The following TNRC6B variants were observed in gnomAD, a reference collection of about 807,000 sequenced individuals.
TNRC6B encodes trinucleotide repeat containing adaptor 6B, also known as trinucleotide repeat-containing gene 6B protein.
In TNRC6B, 52 loss-of-function variants were observed where a neutral mutation model predicts 203.6. That is an observed-to-expected ratio of 0.26 (90% CI 0.20 to 0.32). The LOEUF is 0.32. Ranked by LOEUF, TNRC6B falls within the 10% of genes least tolerant of loss-of-function variation. TNRC6B has a pLI of 1.00. For synonymous variants in TNRC6B, 838 were observed against 845.7 expected, an observed-to-expected ratio of 0.99 and a Z score of 0.16; for missense variants, 1,923 against 2,286.2, an observed-to-expected ratio of 0.84 and a Z score of 3.24.
chr22:40,249,679 A>G (rs2070158533), intron 2 of TNRC6B, among the ~76,000 whole-genome samples: 1 of 152,228 alleles, frequency 6.6e-6, no homozygotes, highest in Admixed American at 6.5e-5. Context: ...GATCTTCAAA[A>G]TGGCATTCTA....
chr22:40,255,608 CAT>C (rs2070263528), intron 3 of TNRC6B, among the ~76,000 whole-genome samples: 3 of 152,220 alleles, frequency 2.0e-5, no homozygotes, highest in Non-Finnish European at 2.9e-5. Context: ...TATTACAAGA[CAT>C]GTGGCTCCAA....
chr22:40,127,673 A>G (rs2068505200), intron 3 of TNRC6B, among the ~76,000 whole-genome samples: 1 of 152,180 alleles, frequency 6.6e-6, no homozygotes, highest in Non-Finnish European at 1.5e-5. Context: ...AGACTTCGAG[A>G]CCAGCCTAGG....
At chr22:40,220,875 G>T (rs961965637) in intron 1 of TNRC6B, among the ~76,000 whole-genome samples, 1 of 152,146 alleles carries the variant, frequency 6.6e-6, no homozygotes. Context: ...GTCTAATTTG[G>T]TAAGGGCCCA....
intron 15 of TNRC6B, among the ~76,000 whole-genome samples, chr22:40,305,994 A>G (rs1483460729): frequency 1.3e-5 from 2 of 152,156 alleles, no homozygotes; most frequent in Non-Finnish European, 2.9e-5. Flanking sequence ...GCTGAAATTA[A>G]AGAAATTTAA....
At chr22:40,123,233 G>A (rs897515459) in intron 2 of TNRC6B, among the ~76,000 whole-genome samples, 1 of 152,110 alleles carries the variant, frequency 6.6e-6, no homozygotes, top group African/African-American at 2.4e-5. Context: ...GTGATAGCAT[G>A]GGGGAGGAGA....
At chr22:40,211,504 A>T (rs775991951) in intron 1 of TNRC6B, among the ~76,000 whole-genome samples, 15 of 152,068 alleles carry the variant, frequency 9.9e-5, no homozygotes, top group Non-Finnish European at 2.1e-4. Context: ...TGCTTTACGT[A>T]TATCATTTGT....
At chr22:40,292,893 T>G (rs2070887243) in intron 12 of TNRC6B, among the ~76,000 whole-genome samples, 1 of 152,242 alleles carries the variant, frequency 6.6e-6, no homozygotes, top group African/African-American at 2.4e-5. Flanking sequence ...TTCCTATGCT[T>G]TTCTTTATAT....
intron 1 of TNRC6B, among the ~76,000 whole-genome samples, chr22:40,201,751 C>A (rs1222651234): frequency 1.3e-5 from 2 of 151,964 alleles, no homozygotes; most frequent in Admixed American, 6.6e-5. Flanking sequence ...GGTTGAGAAT[C>A]CCGAATCTGA....
At chr22:40,148,429 G>A (rs866963409) in intron 3 of TNRC6B, among the ~76,000 whole-genome samples, 11 of 151,786 alleles carry the variant, frequency 7.2e-5, no homozygotes, top group South Asian at 2.1e-4. Context: ...GATTACAGGC[G>A]CCTGCCACCA....
At chr22:40,289,369 A>G (rs1452675277) in intron 12 of TNRC6B, among the ~76,000 whole-genome samples, 1 of 152,180 alleles carries the variant, frequency 6.6e-6, no homozygotes, top group Non-Finnish European at 1.5e-5. Flanking sequence ...GGAGTACTAG[A>G]GCAAAAGAGT....
chr22:40,309,736 T>C (rs1216105466), intron 16 of TNRC6B, among the ~76,000 whole-genome samples: 1 of 152,180 alleles, frequency 6.6e-6, no homozygotes, highest in Non-Finnish European at 1.5e-5. Context: ...CTACTTGCCT[T>C]TTTAGAGCTT....
chr22:40,156,773 T>C (rs1213802306), intron 4 of TNRC6B, among the ~76,000 whole-genome samples: 29 of 135,866 alleles, frequency 2.1e-4, no homozygotes, highest in Admixed American at 8.1e-4. Flanking sequence ...TTTTTTTTTT[T>C]CTTGAGACGG....
At chr22:40,094,479 A>T (rs1476347222) in intron 1 of TNRC6B, among the ~76,000 whole-genome samples, 1 of 151,024 alleles carries the variant, frequency 6.6e-6, no homozygotes, top group African/African-American at 2.5e-5. Context: ...ATATTTAAAA[A>T]AACAAAAACA....
intron 1 of TNRC6B, among the ~76,000 whole-genome samples, chr22:40,222,657 GA>G (rs2069725703): frequency 7.0e-6 from 1 of 142,838 alleles, no homozygotes; most frequent in African/African-American, 2.6e-5. Flanking sequence ...GCAGTTGTAA[GA>G]AATAATCTCT....
intron 3 of TNRC6B, among the ~76,000 whole-genome samples, chr22:40,130,974 TCA>T (rs1171161925): frequency 6.7e-6 from 1 of 148,718 alleles, no homozygotes; most frequent in Non-Finnish European, 1.5e-5. Flanking sequence ...CGATCTCGGG[TCA>T]CTGCAAGCTC....
chr22:40,211,062 A>T (rs184580710), intron 1 of TNRC6B, among the ~76,000 whole-genome samples: 4 of 152,286 alleles, frequency 2.6e-5, no homozygotes, highest in Non-Finnish European at 5.9e-5. Context: ...TTAGTCAGTT[A>T]CCAGCCCTTT....
At chr22:40,166,431 C>CTTTTTTTTTTTTTTTTTTTTTTT (rs200906353) in intron 4 of TNRC6B, among the ~76,000 whole-genome samples, 1 of 141,208 alleles carries the variant, frequency 7.1e-6, no homozygotes, top group Non-Finnish European at 1.5e-5. Context: ...ATGCTATACT[C>CTTTTTTTTTTTTTTTTTTTTTTT]TTTTTTTTTT....
At chr22:40,308,484 T>G (rs556227698) in intron 15 of TNRC6B, 28 bp from the exon 16 acceptor site, 1 of 1,613,720 alleles carries the variant, frequency 6.2e-7, no homozygotes, top group East Asian at 2.2e-5. Flanking sequence ...TGCTGGAGAC[T>G]TATAAAATGT....
chr22:40,080,124 A>C (rs2146288260), intron 1 of TNRC6B, among the ~76,000 whole-genome samples: 1 of 131,308 alleles, frequency 7.6e-6, no homozygotes, highest in African/African-American at 3.0e-5. Context: ...GTGTAGAGAC[A>C]CAGGTCTCAC....
Sources: gnomAD v4.1 joint callset for allele counts (sites outside exome capture counted in the v4.1 genomes callset) on GRCh38, gnomAD v4.1.1 for gene constraint, MANE v1.5 for transcripts, NCBI Gene and HGNC (gene_info 2026-07-23, HGNC 2026-07-21) for gene names.